ANKS1B: variants seen among roughly 807,000 people sequenced by gnomAD.
ANKS1B encodes the protein ankyrin repeat and sterile alpha motif domain-containing protein 1B.
A neutral mutation model predicts 148.3 loss-of-function variants in ANKS1B; 36 were observed. That is an observed-to-expected ratio of 0.24 (90% CI 0.19 to 0.32). The LOEUF is 0.32. ANKS1B is among the 10% of genes least tolerant of loss of function. The pLI is 1.00. For missense variants in ANKS1B, 1,157 were observed against 1,542.6 expected, an observed-to-expected ratio of 0.75 and a Z score of 4.19; for synonymous variants, 542 against 560.8, an observed-to-expected ratio of 0.97 and a Z score of 0.47.
At chr12:99,005,956 G>C (rs1006607375) in intron 17 of ANKS1B, among the ~76,000 whole-genome samples, 2 of 152,150 alleles carry the variant, frequency 1.3e-5, no homozygotes. Context: ...GACGATGAAA[G>C]TCTTCTTCCA....
intron 14 of ANKS1B, among the ~76,000 whole-genome samples, chr12:99,242,973 A>T (rs1303409321): frequency 6.6e-6 from 1 of 152,230 alleles, no homozygotes; most frequent in Non-Finnish European, 1.5e-5. Context: ...CATTCAGGAC[A>T]TAGGCATGGG....
intron 4 of ANKS1B, among the ~76,000 whole-genome samples, chr12:99,801,623 G>T (rs1184546154): frequency 6.6e-6 from 1 of 152,140 alleles, no homozygotes; most frequent in African/African-American, 2.4e-5. Flanking sequence ...CTACAAAGGG[G>T]TCAGAGAAAG....
chr12:98,758,937 G>GA (rs59785674), intron 25 of ANKS1B, among the ~76,000 whole-genome samples: 17,036 of 149,104 alleles, frequency 0.11, 1,086 homozygotes, highest in Non-Finnish European at 0.14. Flanking sequence ...TGCACGCCTG[G>GA]CTAATTTTTT....
At chr12:99,108,359 C>G (rs1269645542) in intron 15 of ANKS1B, among the ~76,000 whole-genome samples, 1 of 152,154 alleles carries the variant, frequency 6.6e-6, no homozygotes, top group Non-Finnish European at 1.5e-5. Flanking sequence ...CACCTAATGT[C>G]CCCAGTAGTC....
intron 11 of ANKS1B, among the ~76,000 whole-genome samples, chr12:99,408,758 T>C (rs2094591260): frequency 6.8e-6 from 1 of 146,164 alleles, no homozygotes; most frequent in Admixed American, 6.8e-5. Flanking sequence ...GTGTTCAATA[T>C]TACTGATCAT....
chr12:99,850,245 T>C (rs2087488726), intron 1 of ANKS1B, among the ~76,000 whole-genome samples: 1 of 146,730 alleles, frequency 6.8e-6, no homozygotes, highest in Non-Finnish European at 1.5e-5. Context: ...CAAAATATGG[T>C]ATCTTCGCAT....
chr12:99,668,556 C>G (rs2098520979), intron 8 of ANKS1B, among the ~76,000 whole-genome samples: 1 of 151,888 alleles, frequency 6.6e-6, no homozygotes, highest in South Asian at 2.1e-4. Context: ...TTCTTATTTG[C>G]ATTTAGTTAA....
chr12:99,220,217 CT>C (rs2084874748), intron 14 of ANKS1B, among the ~76,000 whole-genome samples: 1 of 152,068 alleles, frequency 6.6e-6, no homozygotes, highest in African/African-American at 2.4e-5. Flanking sequence ...CCAGGCTGGT[CT>C]TGAACTCCTG....
At chr12:99,883,805 A>G (rs2092679088) in intron 1 of ANKS1B, among the ~76,000 whole-genome samples, 1 of 152,130 alleles carries the variant, frequency 6.6e-6, no homozygotes, top group Admixed American at 6.5e-5. Context: ...AATCCCAGCT[A>G]CTTGGGAGGC....
intron 1 of ANKS1B, among the ~76,000 whole-genome samples, chr12:99,919,435 C>G (rs1384704937): frequency 1.3e-5 from 2 of 151,812 alleles, no homozygotes; most frequent in African/African-American, 4.8e-5. Context: ...TTACTTGCAA[C>G]TAAAATAAAC....
intron 14 of ANKS1B, among the ~76,000 whole-genome samples, chr12:99,169,875 C>T (rs1348574789): frequency 1.3e-5 from 2 of 151,960 alleles, no homozygotes; most frequent in Admixed American, 1.3e-4. Flanking sequence ...ACTAAGCTTT[C>T]AGCCACTACT....
intron 9 of ANKS1B, among the ~76,000 whole-genome samples, chr12:99,586,477 C>T (rs2097641479): frequency 6.6e-6 from 1 of 152,186 alleles, no homozygotes; most frequent in Admixed American, 6.5e-5. Context: ...GTCCTCTGAG[C>T]CCTCCCAGTC....
At chr12:99,675,914 T>G (rs1171944816) in intron 8 of ANKS1B, among the ~76,000 whole-genome samples, 2 of 152,182 alleles carry the variant, frequency 1.3e-5, no homozygotes, top group Non-Finnish European at 2.9e-5. Context: ...AGCATGATTC[T>G]GTTTCATTTT....
At chr12:99,132,661 A>G (rs776881373) in intron 15 of ANKS1B, among the ~76,000 whole-genome samples, 50 of 152,232 alleles carry the variant, frequency 3.3e-4, no homozygotes, top group Non-Finnish European at 6.5e-4. Context: ...ATGAAAAACA[A>G]AAGTAATATT....
intron 15 of ANKS1B, among the ~76,000 whole-genome samples, chr12:99,098,430 G>A (rs1202576741): frequency 6.6e-6 from 1 of 152,082 alleles, no homozygotes; most frequent in Non-Finnish European, 1.5e-5. Flanking sequence ...GAGTGCTCCT[G>A]GGTTCACCTT....
At chr12:99,274,567 T>C (rs576629897) in intron 12 of ANKS1B, among the ~76,000 whole-genome samples, 18 of 152,328 alleles carry the variant, frequency 1.2e-4, no homozygotes, top group African/African-American at 4.3e-4. Context: ...ACCCAGCGCT[T>C]CTGCTAACAC....
chr12:99,387,297 C>A lies in ANKS1B; in HGVS notation c.1756+12334G>T, dbSNP rs575690412. Among the ~76,000 whole-genome samples, 3 of 152,230 alleles carry A rather than the reference C, an allele frequency of 2.0e-5. No individual in the cohort carries two copies. The East Asian group carries it at 5.8e-4, about 29-fold the overall frequency. ...AGGTGATTAGGTCATGAGGACAGAG[C>A]CCTCATGAAGGCGATTAGTGCCCTT... On this transcript the variant is annotated intron_variant, in intron 12 of 26. Coordinates refer to ENST00000683438, the MANE Select transcript of ANKS1B (RefSeq NM_001352186.2).
intron 17 of ANKS1B, among the ~76,000 whole-genome samples, chr12:98,951,283 G>C (rs4762529): frequency 0.087 from 13,232 of 152,156 alleles, 724 homozygotes; most frequent in Admixed American, 0.18. Flanking sequence ...TGAAACTTTG[G>C]AAAGAGAGGG....
intron 12 of ANKS1B, among the ~76,000 whole-genome samples, chr12:99,250,622 G>T (rs1363579476): frequency 6.6e-6 from 1 of 152,080 alleles, no homozygotes; most frequent in Non-Finnish European, 1.5e-5. Flanking sequence ...GTTTTCCCAG[G>T]CCAGAAGAAG....
Sources: allele counts gnomAD v4.1 joint callset (sites outside exome capture counted in the v4.1 genomes callset), GRCh38; gene constraint gnomAD v4.1.1; transcripts MANE v1.5; gene names NCBI Gene and HGNC (gene_info 2026-07-23, HGNC 2026-07-21).